Variants in CDH4 observed in about 807,000 individuals in gnomAD.
The protein encoded by CDH4 is cadherin-4.
In CDH4, 33 loss-of-function variants were observed where a neutral mutation model predicts 86.0. The observed-to-expected ratio is 0.38, with a 90% CI of 0.29 to 0.51. The LOEUF is 0.51. Ranked by LOEUF, CDH4 falls within the 20% of genes least tolerant of loss-of-function variation. The pLI is 0.86. For missense variants in CDH4, 1,114 were observed against 1,307.4 expected (o/e 0.85, Z 2.28); for synonymous variants, 555 against 549.4 (o/e 1.01, Z -0.14).
rs539278765 is a variant in CDH4, at chr20:61,934,328, G to C, written c.2544+108G>C. 2.7e-3 allele frequency: 3,390 copies of C among 1,268,656 alleles called. 12 individuals are homozygous for C. Among genetic ancestry groups the C allele is most frequent in the Non-Finnish European group, 2.9e-3 (2,765 of 950,534 alleles). 78.6% of individuals were successfully genotyped at this position (1,268,656 alleles called of 1,614,324 possible). ...TCCACAGTGCCGGCGGCTGCCGTGG[G>C]TGGGAGGCAGCTCAGACCCGGGTTC... On this transcript the variant is annotated intron_variant, in intron 15 of 15. Coordinates refer to ENST00000614565, the MANE Select transcript of CDH4 (RefSeq NM_001794.5).
Position 61,853,134 on chromosome 20 carries a change from G to A in CDH4, c.877+236G>A, listed in dbSNP as rs571271786. On this transcript the variant is annotated intron_variant, in intron 6 of 15. Transcript: ENST00000614565. The stretch of plus-strand genomic sequence containing the variant: ...CGATTGCAGCCACAGCAGGGCCAAC[G>A]GGCTGGGAAGAAAACCCGGGCACTG... Among the ~76,000 whole-genome samples the A allele has an allele frequency of 1.6e-4, 24 of 152,328 alleles. No homozygotes were observed. The South Asian group carries it at 3.5e-3, about 22-fold the overall frequency.
intron 2 of CDH4, among the ~76,000 whole-genome samples, chr20:61,571,100 C>T (rs993246624): frequency 6.6e-6 from 1 of 152,164 alleles, no homozygotes; most frequent in Non-Finnish European, 1.5e-5. Context: ...GTTTCTCCCC[C>T]ACATCCTCGG....
Position 61,576,368 on chromosome 20 carries a change from C to T in CDH4, c.170-167195C>T, listed in dbSNP as rs148485848. On this transcript the variant is annotated intron_variant, in intron 2 of 15. Coordinates refer to ENST00000614565, the MANE Select transcript of CDH4 (RefSeq NM_001794.5). ...TCAGGGTTAGGAGAGAATAAAGGTT[C>T]CTTGTGCTGAGAAACCCACCCAGGC... Among the ~76,000 whole-genome samples the T allele has an allele frequency of 3.4e-3, 519 of 152,214 alleles. 6 individuals are homozygous for T. The highest frequency in any genetic ancestry group is 0.012 in the African/African-American group (490 of 41,524).
chr20:61,555,702 T>A (rs1936203), intron 2 of CDH4, among the ~76,000 whole-genome samples: 1 of 152,120 alleles, frequency 6.6e-6, no homozygotes, highest in Admixed American at 6.5e-5. Context: ...TGGACCCATG[T>A]GGTGAGTTAT....
chr20:61,849,861 C>A (rs1982633689), intron 5 of CDH4, among the ~76,000 whole-genome samples: 1 of 152,168 alleles, frequency 6.6e-6, no homozygotes, highest in East Asian at 1.9e-4. Flanking sequence ...AAAACGTAGC[C>A]CAGTGGGGAG....
At chr20:61,729,235 TGGGA>T (rs886714747) in intron 2 of CDH4, among the ~76,000 whole-genome samples, 4 of 152,148 alleles carry the variant, frequency 2.6e-5, no homozygotes, top group Admixed American at 1.3e-4. Flanking sequence ...TTGGCGTGAG[TGGGA>T]GGACTTCATT....
intron 2 of CDH4, among the ~76,000 whole-genome samples, chr20:61,730,846 C>T (rs2088170996): frequency 6.6e-6 from 1 of 152,204 alleles, no homozygotes; most frequent in African/African-American, 2.4e-5. Context: ...GGGGGCAGGG[C>T]CTGGCTGGGG....
chr20:61,908,214 ATTC>A (rs1343399806), intron 8 of CDH4, among the ~76,000 whole-genome samples: 1 of 152,180 alleles, frequency 6.6e-6, no homozygotes, highest in Non-Finnish European at 1.5e-5. Flanking sequence ...TGGGCTCTGA[ATTC>A]TTCTGTCGCG....
intron 2 of CDH4, among the ~76,000 whole-genome samples, chr20:61,292,148 A>G (rs1211612548): frequency 6.6e-6 from 1 of 152,224 alleles, no homozygotes; most frequent in Admixed American, 6.5e-5. Flanking sequence ...TACCCAGAGG[A>G]ATGTAAATCA....
chr20:61,692,289 GTGTC>G lies in CDH4; in HGVS notation c.170-51270_170-51267del, dbSNP rs771130378. Among the ~76,000 whole-genome samples, 11 of 151,768 alleles carry G rather than the reference GTGTC, an allele frequency of 7.2e-5. No individual in the cohort carries two copies. The East Asian group carries it at 1.2e-3, about 16-fold the overall frequency. On this transcript the variant is annotated intron_variant, in intron 2 of 15. Coordinates refer to ENST00000614565, the MANE Select transcript of CDH4 (RefSeq NM_001794.5). ...TATGTGTGTCTTTGTGTGTGTGTGT[GTGTC>G]TGTGTGTGTGTGTATGTAACTTGTT... is the stretch of plus-strand genomic sequence containing the variant.
intron 2 of CDH4, among the ~76,000 whole-genome samples, chr20:61,298,706 CA>C (rs11481019): frequency 3.7e-4 from 49 of 131,210 alleles, no homozygotes; most frequent in Middle Eastern, 8.0e-3. Flanking sequence ...TTTCTCTTGC[CA>C]AAAAAAAAAA....
At chr20:61,313,326 A>C (rs558827315) in intron 2 of CDH4, among the ~76,000 whole-genome samples, 11 of 152,324 alleles carry the variant, frequency 7.2e-5, no homozygotes, top group Non-Finnish European at 1.5e-5. Flanking sequence ...AGGGTTCTGG[A>C]GCTGGCACCT....
chr20:61,520,904 C>A (rs116656728), intron 2 of CDH4, among the ~76,000 whole-genome samples: 6,314 of 152,232 alleles, frequency 0.041, 410 homozygotes, highest in African/African-American at 0.14. Context: ...ACTTAGTGGG[C>A]GAAGGGAGCA....
intron 2 of CDH4, among the ~76,000 whole-genome samples, chr20:61,494,264 T>G (rs181656360): frequency 3.8e-4 from 58 of 152,236 alleles, no homozygotes; most frequent in Non-Finnish European, 5.3e-4. Flanking sequence ...TTCTCTAAAC[T>G]CAATAAGGAG....
At chr20:61,568,901 G>T (rs1357112191) in intron 2 of CDH4, among the ~76,000 whole-genome samples, 2 of 152,200 alleles carry the variant, frequency 1.3e-5, no homozygotes, top group African/African-American at 4.8e-5. Context: ...GAGTGGAAGA[G>T]GTGACTTTTC....
At chr20:61,910,160 G>A (rs552984117) in intron 8 of CDH4, among the ~76,000 whole-genome samples, 1 of 152,068 alleles carries the variant, frequency 6.6e-6, no homozygotes, top group Non-Finnish European at 1.5e-5. Context: ...TGCTCTGTTT[G>A]TGAACACTCC....
At position 61,260,091 on chromosome 20, in the gene CDH4, A is replaced by G. The variant is rs74638824; in HGVS notation, c.169+5154A>G. 0.016 allele frequency among the ~76,000 whole-genome samples: 2,512 copies of G among 152,314 alleles called. 122 individuals are homozygous for G. The East Asian group carries it at 0.18, about 11-fold the overall frequency. ...ACACCACGCTTGGTTTTGTTGTCAC[A>G]TGCAGCCTCGTGCATTCCCTGACTT... On this transcript the variant is annotated intron_variant, in intron 2 of 15. Coordinates refer to ENST00000614565, the MANE Select transcript of CDH4 (RefSeq NM_001794.5).
At chr20:61,777,059 C>T (rs2088850618) in intron 4 of CDH4, among the ~76,000 whole-genome samples, 1 of 152,182 alleles carries the variant, frequency 6.6e-6, no homozygotes, top group Non-Finnish European at 1.5e-5. Flanking sequence ...ATTCGCCAAC[C>T]AGATCATTCT....
chr20:61,352,758 C>T (rs996975492), intron 2 of CDH4, among the ~76,000 whole-genome samples: 8 of 152,098 alleles, frequency 5.3e-5, no homozygotes, highest in East Asian at 1.9e-4. Flanking sequence ...TCACTCCCCC[C>T]GGTCACCTGC....
Sources: allele counts gnomAD v4.1 joint callset (sites outside exome capture counted in the v4.1 genomes callset), GRCh38; gene constraint gnomAD v4.1.1; transcripts MANE v1.5; gene names NCBI Gene and HGNC (gene_info 2026-07-23, HGNC 2026-07-21).